The following TFEC variants were observed in gnomAD, a reference collection of about 807,000 sequenced individuals.
The protein encoded by TFEC is transcription factor EC.
In TFEC, 31 loss-of-function variants were observed where a neutral mutation model predicts 41.6. That is an observed-to-expected ratio of 0.74 (90% confidence interval 0.56 to 1.01). The LOEUF is 1.01. Among genes scored for constraint, TFEC ranks in the 50% least tolerant of loss-of-function variants. The pLI, the probability that TFEC is intolerant of heterozygous loss-of-function variation, is 0.00. For synonymous variants in TFEC, 143 were observed against 140.6 expected (o/e 1.02, Z -0.12); for missense variants, 402 against 404.1 (o/e 0.99, Z 0.04).
chr7:116,140,281 A>C (rs1483331859), intron 1 of TFEC, among the ~76,000 whole-genome samples: 2 of 152,228 alleles, frequency 1.3e-5, no homozygotes, highest in African/African-American at 2.4e-5. Flanking sequence ...GCTCTGGAAG[A>C]GGGTCTACTC....
intron 1 of TFEC, among the ~76,000 whole-genome samples, chr7:116,156,200 G>A (rs17138365): frequency 0.23 from 35,123 of 151,988 alleles, 4,527 homozygotes; most frequent in African/African-American, 0.35. Flanking sequence ...TGGAAAGACA[G>A]AAACAGCAGG....
intron 1 of TFEC, among the ~76,000 whole-genome samples, chr7:115,996,874 G>A (rs1196161369): frequency 6.6e-6 from 1 of 152,126 alleles, no homozygotes; most frequent in Non-Finnish European, 1.5e-5. Flanking sequence ...GAAAGAGTGG[G>A]AAGGACTTTG....
intron 1 of TFEC, among the ~76,000 whole-genome samples, chr7:116,030,423 T>G (rs1182581863): frequency 1.3e-5 from 2 of 152,198 alleles, no homozygotes; most frequent in African/African-American, 4.8e-5. Context: ...TTGGTTGAAA[T>G]AAGACATTAA....
At chr7:115,944,867 G>A (rs1227798354) in intron 6 of TFEC, among the ~76,000 whole-genome samples, 1 of 151,126 alleles carries the variant, frequency 6.6e-6, no homozygotes, top group Non-Finnish European at 1.5e-5. Flanking sequence ...AGATTTCACA[G>A]GGCTTTCCTA....
intron 3 of TFEC, among the ~76,000 whole-genome samples, chr7:116,047,279 G>A (rs1371105804): frequency 1.3e-5 from 2 of 152,124 alleles, no homozygotes; most frequent in African/African-American, 4.8e-5. Flanking sequence ...GAGGGTACCT[G>A]GAAAATCGGG....
chr7:116,009,897 G>A (rs911671101), intron 1 of TFEC, among the ~76,000 whole-genome samples: 1 of 152,108 alleles, frequency 6.6e-6, no homozygotes, highest in Non-Finnish European at 1.5e-5. Flanking sequence ...ATAAATGATA[G>A]GACGGAGAAA....
intron 6 of TFEC, among the ~76,000 whole-genome samples, chr7:115,945,122 AC>A (rs200626999): frequency 0.23 from 31,343 of 138,154 alleles, 3,606 homozygotes; most frequent in East Asian, 0.43. Context: ...CTAAACTCAA[AC>A]TAAAATCTTG....
intron 3 of TFEC, among the ~76,000 whole-genome samples, chr7:116,046,146 G>T (rs748555968): frequency 2.0e-5 from 3 of 152,130 alleles, no homozygotes; most frequent in Admixed American, 6.5e-5. Flanking sequence ...GGGCTTTTGG[G>T]TTAATGTTGA....
intron 1 of TFEC, among the ~76,000 whole-genome samples, chr7:116,156,651 G>A (rs970651363): frequency 6.6e-6 from 1 of 151,936 alleles, no homozygotes; most frequent in Non-Finnish European, 1.5e-5. Flanking sequence ...ATTTCTCAAG[G>A]GCTTGCTTTT....
chr7:116,044,067 G>A (rs1178830972), intron 3 of TFEC, among the ~76,000 whole-genome samples: 2 of 152,114 alleles, frequency 1.3e-5, no homozygotes, highest in Admixed American at 6.5e-5. Flanking sequence ...TGAAATTATA[G>A]CATCTACATG....
chr7:116,070,260 T>C (rs1796796589), intron 3 of TFEC, among the ~76,000 whole-genome samples: 1 of 151,488 alleles, frequency 6.6e-6, no homozygotes, highest in Non-Finnish European at 1.5e-5. Flanking sequence ...TTAATGTTTC[T>C]CATGTTAAAA....
chr7:116,059,310 T>C (rs1359945419), intron 3 of TFEC, among the ~76,000 whole-genome samples: 5 of 151,914 alleles, frequency 3.3e-5, no homozygotes, highest in Non-Finnish European at 7.4e-5. Context: ...AAGAAATAGA[T>C]AACCTAAATA....
intron 1 of TFEC, among the ~76,000 whole-genome samples, chr7:116,000,955 AAAC>A (rs1160119290): frequency 6.6e-6 from 1 of 152,150 alleles, no homozygotes; most frequent in Non-Finnish European, 1.5e-5. Flanking sequence ...AAAAAAAAGA[AAAC>A]AGTCCTAAAA....
At chr7:116,141,449 T>C (rs539082073) in intron 1 of TFEC, among the ~76,000 whole-genome samples, 2 of 152,378 alleles carry the variant, frequency 1.3e-5, no homozygotes, top group Admixed American at 6.5e-5. Context: ...TAGGTGTCTT[T>C]AGTCACCTTC....
intron 3 of TFEC, among the ~76,000 whole-genome samples, chr7:116,088,196 T>C (rs1189529033): frequency 6.6e-6 from 1 of 152,112 alleles, no homozygotes; most frequent in Non-Finnish European, 1.5e-5. Flanking sequence ...AAGCATTCTC[T>C]AACCTTCTCA....
In TFEC at chr7:115,950,918, G is replaced by A. The variant is rs758275636; in HGVS notation, c.471C>T (p.Tyr157=). The A allele has an allele frequency of 1.1e-5, 18 of 1,601,942 alleles. No individual in the cohort carries two copies. Among genetic ancestry groups the A allele is most frequent in the Non-Finnish European group, 1.5e-5 (18 of 1,172,492 alleles). The change falls in exon 6 of 8, where the codon TAC becomes TAT. Residue 157 remains tyrosine, a synonymous_variant. Transcript: ENST00000265440. ...IERRRRYNIN[Y]RIKELGTLIP... is the part of the protein sequence containing the mutation. ...TAAGAGTGCCAAGCTCCTTGATTCG[G>A]TAATTAATATTATACCTTCTTCTTC... is the stretch of plus-strand genomic sequence containing the variant.
At chr7:116,011,955 A>T (rs1795017882) in intron 1 of TFEC, among the ~76,000 whole-genome samples, 1 of 152,208 alleles carries the variant, frequency 6.6e-6, no homozygotes, top group Admixed American at 6.5e-5. Flanking sequence ...AGGTGCTGGC[A>T]CTATGCTTCT....
At chr7:116,122,840 G>A (rs887130626) in intron 1 of TFEC, among the ~76,000 whole-genome samples, 2 of 152,032 alleles carry the variant, frequency 1.3e-5, no homozygotes, top group African/African-American at 4.8e-5. Flanking sequence ...GGCCAACACT[G>A]GTGTTAGTGT....
chr7:116,136,372 T>C (rs778315720), intron 1 of TFEC, among the ~76,000 whole-genome samples: 45 of 152,046 alleles, frequency 3.0e-4, no homozygotes, highest in Non-Finnish European at 3.7e-4. Context: ...TAAATTATAC[T>C]AGATTTCATC....
Sources: gnomAD v4.1 joint callset for allele counts (sites outside exome capture counted in the v4.1 genomes callset) on GRCh38, gnomAD v4.1.1 for gene constraint, MANE v1.5 for transcripts, NCBI Gene and HGNC (gene_info 2026-07-23, HGNC 2026-07-21) for gene names.